KITLG: variants seen among roughly 807,000 people sequenced by gnomAD.
KITLG encodes the protein KIT ligand.
KITLG carries 13 observed loss-of-function variants against 34.1 expected under a neutral mutation model. The ratio of observed to expected loss-of-function variants is 0.38; its 90% CI spans 0.25 to 0.61. The LOEUF (loss-of-function observed/expected upper bound fraction) is 0.61, where lower values mean the gene tolerates loss of function less well. Ranked by LOEUF, KITLG falls within the 20% of genes least tolerant of loss-of-function variation. The pLI, the probability that KITLG is intolerant of heterozygous loss-of-function variation, is 0.60. For synonymous variants in KITLG, 110 were observed against 104.0 expected (o/e 1.06, Z -0.35); for missense variants, 292 against 318.9 (o/e 0.92, Z 0.64).
At chr12:88,505,091 C>T in intron 9 of KITLG, 68 bp downstream of exon 9, 2 of 789,304 alleles carry the variant, frequency 2.5e-6, no homozygotes, top group Non-Finnish European at 4.2e-6. Flanking sequence ...GCACATTGTG[C>T]ACATGTACCC....
At chr12:88,508,657 G>A (rs368461323) in intron 6 of KITLG, among the ~76,000 whole-genome samples, 2 of 151,852 alleles carry the variant, frequency 1.3e-5, no homozygotes, top group African/African-American at 2.4e-5. Context: ...CAGAAATAGG[G>A]TCTTCCATTC....
intron 3 of KITLG, among the ~76,000 whole-genome samples, chr12:88,522,672 C>T (rs976755271): frequency 3.3e-5 from 5 of 152,062 alleles, no homozygotes; most frequent in Admixed American, 2.0e-4. Context: ...AGGTGATCCA[C>T]CCATCTCGGT....
chr12:88,574,134 T>C (rs1388237145), intron 1 of KITLG, among the ~76,000 whole-genome samples: 1 of 151,812 alleles, frequency 6.6e-6, no homozygotes, highest in Non-Finnish European at 1.5e-5. Context: ...GATAGCTCAG[T>C]GGGCAATGCC....
At chr12:88,506,522 A>G in intron 7 of KITLG, 144 bp from the exon 8 acceptor site, 1 of 683,566 alleles carries the variant, frequency 1.5e-6, no homozygotes. Flanking sequence ...ATATCTTTGT[A>G]ATAAAAAATT....
intron 1 of KITLG, among the ~76,000 whole-genome samples, chr12:88,549,967 T>C (rs1870839436): frequency 6.6e-6 from 1 of 152,140 alleles, no homozygotes; most frequent in South Asian, 2.1e-4. Context: ...CTATGTCAAA[T>C]GCCAGTTATA....
intron 2 of KITLG, among the ~76,000 whole-genome samples, chr12:88,536,145 C>T (rs1870309535): frequency 6.6e-6 from 1 of 152,066 alleles, no homozygotes; most frequent in Non-Finnish European, 1.5e-5. Flanking sequence ...TATTTGTAAA[C>T]TATGCATCCA....
intron 1 of KITLG, among the ~76,000 whole-genome samples, chr12:88,550,203 A>G (rs1177658369): frequency 6.6e-6 from 1 of 152,224 alleles, no homozygotes; most frequent in South Asian, 2.1e-4. Context: ...ACATAAATAA[A>G]TAAAACCAAG....
rs373837313 is a variant in KITLG at position 88,540,696 on chromosome 12, A to G, written c.129+5056T>C. The stretch of plus-strand genomic sequence containing the variant: ...ACATATTATCCAAGTAGTTTATTCT[A>G]TAAAGGAAGAACAATGTTTTCCTAA... On this transcript the variant is annotated intron_variant, in intron 2 of 9. Transcript: ENST00000644744. Among the ~76,000 whole-genome samples the G allele has an allele frequency of 2.2e-4, 33 of 152,280 alleles. No homozygotes were observed. The East Asian group carries it at 5.4e-3, about 25-fold the overall frequency.
chr12:88,552,999 G>C (rs1407783006), intron 1 of KITLG, among the ~76,000 whole-genome samples: 1 of 152,196 alleles, frequency 6.6e-6, no homozygotes, highest in Non-Finnish European at 1.5e-5. Flanking sequence ...TGTGGTTTAT[G>C]GGCTTTGCAT....
At chr12:88,503,079 G>A (rs747251702) in intron 9 of KITLG, among the ~76,000 whole-genome samples, 16 of 152,164 alleles carry the variant, frequency 1.1e-4, no homozygotes, top group Non-Finnish European at 2.2e-4. Context: ...CTAGAAAGAA[G>A]TGGCAATGGG....
At chr12:88,561,115 C>T (rs1422384147) in intron 1 of KITLG, among the ~76,000 whole-genome samples, 1 of 151,984 alleles carries the variant, frequency 6.6e-6, no homozygotes, top group Admixed American at 6.5e-5. Context: ...TTGACACAAT[C>T]CTTATGGCCG....
At chr12:88,537,879 C>A (rs531666777) in intron 2 of KITLG, among the ~76,000 whole-genome samples, 4 of 152,210 alleles carry the variant, frequency 2.6e-5, no homozygotes, top group Admixed American at 1.3e-4. Flanking sequence ...TCCTTAGAGG[C>A]AGTGAATTTA....
intron 2 of KITLG, among the ~76,000 whole-genome samples, chr12:88,542,638 A>G (rs888492198): frequency 3.9e-5 from 6 of 151,990 alleles, no homozygotes; most frequent in African/African-American, 1.5e-4. Flanking sequence ...ATACACACAC[A>G]CACATGCACA....
chr12:88,518,231 C>T (rs916964072), intron 4 of KITLG, among the ~76,000 whole-genome samples: 1 of 152,100 alleles, frequency 6.6e-6, no homozygotes, highest in Non-Finnish European at 1.5e-5. Context: ...TTCCATATGT[C>T]ATGCCCATAT....
intron 9 of KITLG, among the ~76,000 whole-genome samples, chr12:88,498,935 T>C (rs879309072): frequency 6.6e-6 from 1 of 152,132 alleles, no homozygotes; most frequent in Non-Finnish European, 1.5e-5. Flanking sequence ...AGATTGGAAA[T>C]CTATTTTTGA....
rs777958525 is a variant in KITLG, at chr12:88,505,199, C to A, written c.819G>T (p.Val273=). 2 of 1,608,950 alleles carry A rather than the reference C, an allele frequency of 1.2e-6. No individual in the cohort carries two copies. Among genetic ancestry groups the A allele is most frequent in the Non-Finnish European group, 8.5e-7 (1 of 1,175,468 alleles). Residue 273 remains valine, a synonymous_variant, in exon 9 of 10, where the codon GTG becomes GTT. Transcript: ENST00000644744. Reference sequence around the variant, plus strand: ...ACAGTGTTGATACAAGCCACAATTACACTTCTTGAAACTCTCTCTCTTTCT... The same window carrying A: ...ACAGTGTTGATACAAGCCACAATTAAACTTCTTGAAACTCTCTCTCTTTCT... ...LQEKEREFQE[V]
chr12:88,565,613 G>C (rs1871419155), intron 1 of KITLG, among the ~76,000 whole-genome samples: 1 of 151,948 alleles, frequency 6.6e-6, no homozygotes. Flanking sequence ...GACAGAGCGA[G>C]ACTCCATTTA....
chr12:88,553,749 T>G (rs1592581486), intron 1 of KITLG, among the ~76,000 whole-genome samples: 1 of 152,308 alleles, frequency 6.6e-6, no homozygotes, highest in East Asian at 1.9e-4. Context: ...GAGAAATCTG[T>G]GTGCACTGTT....
At chr12:88,551,872 C>T (rs978099397) in intron 1 of KITLG, among the ~76,000 whole-genome samples, 2 of 152,166 alleles carry the variant, frequency 1.3e-5, no homozygotes, top group Admixed American at 6.5e-5. Context: ...CCTAGATTCC[C>T]TGGGTCCAAT....
Sources: allele counts gnomAD v4.1 joint callset (sites outside exome capture counted in the v4.1 genomes callset), GRCh38; gene constraint gnomAD v4.1.1; transcripts MANE v1.5; gene names NCBI Gene and HGNC (gene_info 2026-07-23, HGNC 2026-07-21).